Variants in APBB2 observed in about 807,000 individuals in gnomAD.
APBB2 encodes Fe65-like 1.
APBB2 carries 38 observed loss-of-function variants against 82.5 expected under a neutral mutation model. The ratio of observed to expected loss-of-function variants is 0.46; its 90% CI spans 0.36 to 0.60. APBB2 has a LOEUF of 0.60. Among genes scored for constraint, APBB2 ranks in the 20% least tolerant of loss-of-function variants. The pLI is 0.00. For synonymous variants in APBB2, 341 were observed against 368.2 expected (o/e 0.93, Z 0.85); for missense variants, 772 against 972.3 (o/e 0.79, Z 2.74).
At chr4:41,088,238 CGAACTCCTGAGCTAAAGGTCAG>C (rs1204497332) in intron 3 of APBB2, among the ~76,000 whole-genome samples, 21 of 152,168 alleles carry the variant, frequency 1.4e-4, no homozygotes, top group Non-Finnish European at 1.5e-5. Context: ...CTTCTCTAAT[CGAACTCCTGAGCTAAAGGTCAG>C]GAGTATTACC....
At position 41,207,198 on chromosome 4, in the gene APBB2, CAAAAAAAAAAAAA is replaced by C. The variant is rs368548129; in HGVS notation, c.-417+7194_-417+7206del. Among the ~76,000 whole-genome samples the C allele has an allele frequency of 5.9e-5, 4 of 67,342 alleles. 1 individual carries two copies. Among genetic ancestry groups the C allele is most frequent in the African/African-American group, 1.4e-4 (2 of 14,090 alleles). 44.2% of individuals were successfully genotyped at this position (67,342 alleles called of 152,430 possible). On this transcript the variant is annotated intron_variant, in intron 1 of 17. Coordinates refer to ENST00000508593, the MANE Select transcript of APBB2 (RefSeq NM_004307.2). ...TGGGCGACCAAGTGAGACTCCGTCT[CAAAAAAAAAAAAA>C]AAAAAAAAAAAAAAGGAAATAATTT...
intron 5 of APBB2, among the ~76,000 whole-genome samples, chr4:41,031,051 C>T (rs1716560224): frequency 6.6e-6 from 1 of 152,078 alleles, no homozygotes; most frequent in African/African-American, 2.4e-5. Context: ...ATGGTGAAAC[C>T]CTGTCTTTAC....
intron 5 of APBB2, among the ~76,000 whole-genome samples, chr4:41,023,318 A>T (rs376213882): frequency 6.6e-6 from 1 of 152,282 alleles, no homozygotes; most frequent in East Asian, 1.9e-4. Flanking sequence ...ATTAGATCCT[A>T]TGTCTATGTC....
At chr4:41,185,495 T>G (rs1176564555) in intron 1 of APBB2, among the ~76,000 whole-genome samples, 1 of 152,218 alleles carries the variant, frequency 6.6e-6, no homozygotes, top group Non-Finnish European at 1.5e-5. Context: ...CTGTGACACC[T>G]TTATGTAATT....
intron 12 of APBB2, among the ~76,000 whole-genome samples, chr4:40,876,625 T>G (rs1379417272): frequency 6.6e-6 from 1 of 152,226 alleles, no homozygotes; most frequent in Non-Finnish European, 1.5e-5. Context: ...ATATAACCTA[T>G]GCACATCTTC....
At chr4:40,871,532 G>A (rs983961855) in intron 12 of APBB2, among the ~76,000 whole-genome samples, 4 of 152,194 alleles carry the variant, frequency 2.6e-5, no homozygotes, top group African/African-American at 9.7e-5. Context: ...CAGCTAAAAG[G>A]AGTAGGAACA....
intron 1 of APBB2, among the ~76,000 whole-genome samples, 173 bp from the exon 2 acceptor site, chr4:41,143,315 AG>A (rs1352527760): frequency 1.3e-5 from 2 of 152,196 alleles, no homozygotes; most frequent in Non-Finnish European, 2.9e-5. Context: ...GGCTATTCTG[AG>A]GGGAGGATTG....
intron 6 of APBB2, among the ~76,000 whole-genome samples, chr4:40,972,152 G>C (rs563553452): frequency 1.3e-5 from 2 of 152,222 alleles, no homozygotes; most frequent in South Asian, 4.1e-4. Flanking sequence ...ATCCTGGCCG[G>C]CTGTGGTGGC....
At chr4:41,043,872 G>A (rs1274350796) in intron 4 of APBB2, among the ~76,000 whole-genome samples, 2 of 152,132 alleles carry the variant, frequency 1.3e-5, no homozygotes, top group African/African-American at 4.8e-5. Context: ...GGCTGTCTGA[G>A]TTATGGAGTT....
At chr4:40,998,881 G>C (rs1248577673) in intron 6 of APBB2, among the ~76,000 whole-genome samples, 1 of 152,126 alleles carries the variant, frequency 6.6e-6, no homozygotes, top group African/African-American at 2.4e-5. Flanking sequence ...GGCAGGATGG[G>C]TGTGCAGGAC....
chr4:40,829,885 G>A (rs1044731392), intron 13 of APBB2, among the ~76,000 whole-genome samples: 1 of 152,164 alleles, frequency 6.6e-6, no homozygotes, highest in Non-Finnish European at 1.5e-5. Flanking sequence ...CAGGAAGTTG[G>A]TGTGTGTTAA....
In APBB2 at chr4:40,832,839, G is replaced by T. The variant is rs576277086; in HGVS notation, c.1530-2262C>A. ...TCTAGTTCAGGCCTGGCGTATCACC[G>T]GTACTAATACATGTTTGCGGGCTGA... On this transcript the variant is annotated intron_variant, in intron 12 of 17. Transcript: ENST00000508593. The surrounding 1 kb of genome is among the most constrained non-coding windows in gnomAD (Gnocchi z 4.8). 6.6e-6 allele frequency among the ~76,000 whole-genome samples: 1 copy of T among 152,174 alleles called. No homozygotes were observed. The highest frequency in any genetic ancestry group is 1.5e-5 in the Non-Finnish European group (1 of 68,028).
chr4:40,992,360 A>G (rs1579067437), intron 6 of APBB2, among the ~76,000 whole-genome samples: 1 of 18,330 alleles, frequency 5.5e-5, no homozygotes, highest in East Asian at 2.8e-3. Context: ...TTTGGTAGAG[A>G]TGGGGGGGGG....
chr4:40,915,638 T>C (rs548057024), intron 10 of APBB2, among the ~76,000 whole-genome samples: 20 of 152,314 alleles, frequency 1.3e-4, no homozygotes, highest in Admixed American at 2.0e-4. Context: ...GTGTCTGAAA[T>C]GAACTCAGTG....
At chr4:40,951,390 T>C (rs1005034144) in intron 6 of APBB2, among the ~76,000 whole-genome samples, 6 of 152,226 alleles carry the variant, frequency 3.9e-5, no homozygotes, top group Non-Finnish European at 8.8e-5. Context: ...GTCGAGGTAT[T>C]TTTCAGTACC....
rs114284187 is a variant in APBB2 at position 41,102,922 on chromosome 4, C to T, written c.-260-2172G>A. 5.6e-3 allele frequency among the ~76,000 whole-genome samples: 855 copies of T among 152,246 alleles called. 8 individuals are homozygous for T. The highest frequency in any genetic ancestry group is 0.018 in the African/African-American group (743 of 41,546). ...ACTGATAGTTTTTTGAGTATTGTGT[C>T]CCCAACTGCATTCCTCTCCTAAGCA... On this transcript the variant is annotated intron_variant, in intron 2 of 17. Coordinates refer to ENST00000508593, the MANE Select transcript of APBB2 (RefSeq NM_004307.2).
intron 12 of APBB2, among the ~76,000 whole-genome samples, chr4:40,883,710 CAA>C (rs10578840): frequency 0.21 from 26,170 of 127,010 alleles, 2,313 homozygotes; most frequent in Middle Eastern, 0.26. Context: ...TAGAGACTGC[CAA>C]AAAAAAAAAA....
intron 12 of APBB2, among the ~76,000 whole-genome samples, chr4:40,872,248 C>T (rs896290723): frequency 2.6e-5 from 4 of 152,224 alleles, no homozygotes; most frequent in Non-Finnish European, 5.9e-5. Flanking sequence ...GTGTCTTCAG[C>T]CAACCCACCA....
In APBB2 at chr4:41,011,894, G is replaced by A. The variant is rs569908492; in HGVS notation, c.835+1689C>T. 1.1e-4 allele frequency among the ~76,000 whole-genome samples: 17 copies of A among 152,088 alleles called. No homozygotes were observed. In the South Asian group the frequency reaches 3.3e-3, roughly 30 times the overall value. On this transcript the variant is annotated intron_variant, in intron 6 of 17. Transcript: ENST00000508593. ...TTTATGTTTTTTGAAACAGAGTCTC[G>A]CTCGATCACCCAGGCTACAGGGCAA...
Sources: gnomAD v4.1 joint callset for allele counts (sites outside exome capture counted in the v4.1 genomes callset) on GRCh38, gnomAD v4.1.1 for gene constraint, Gnocchi (gnomAD v3.1) non-coding constraint, MANE v1.5 for transcripts, NCBI Gene and HGNC (gene_info 2026-07-23, HGNC 2026-07-21) for gene names.